Variants in HERC3 observed in about 807,000 individuals in gnomAD.
The protein encoded by HERC3 is probable E3 ubiquitin-protein ligase HERC3.
HERC3 carries 58 observed loss-of-function variants against 129.9 expected under a neutral mutation model. The ratio of observed to expected loss-of-function variants is 0.45; its 90% CI spans 0.36 to 0.56. The LOEUF (loss-of-function observed/expected upper bound fraction) is 0.56, where lower values mean the gene tolerates loss of function less well. HERC3 is among the 20% of genes least tolerant of loss of function. The probability of loss-of-function intolerance (pLI) is 0.00; values close to 1 mark genes in which losing one functional copy is unlikely to be tolerated. For synonymous variants in HERC3, 430 were observed against 451.0 expected (o/e 0.95, Z 0.59); for missense variants, 835 against 1,244.2 (o/e 0.67, Z 4.95).
chr4:88,657,371 T>C (rs966694630), intron 9 of HERC3: 3 of 152,236 alleles, frequency 2.0e-5, no homozygotes, highest in Non-Finnish European at 4.4e-5. Flanking sequence ...ATCTGAAATG[T>C]AGTGCAACTT....
intron 21 of HERC3, 139 bp downstream of exon 21, chr4:88,681,464 A>G (rs1435856140): frequency 2.8e-6 from 2 of 701,784 alleles, no homozygotes; most frequent in African/African-American, 1.8e-5. Flanking sequence ...TGTTTTGTCT[A>G]AGATGTAGCT....
chr4:88,622,618 C>T (rs368458363), intron 3 of HERC3, among the ~76,000 whole-genome samples: 5 of 152,190 alleles, frequency 3.3e-5, no homozygotes, highest in Admixed American at 3.3e-4. Context: ...TATGAGGGCC[C>T]GAGAGATCTT....
At chr4:88,684,343 C>A (rs1056729802) in intron 21 of HERC3, among the ~76,000 whole-genome samples, 6 of 152,074 alleles carry the variant, frequency 3.9e-5, no homozygotes, top group Non-Finnish European at 8.8e-5. Context: ...TTTCGACAAA[C>A]CTGACAAAAA....
At chr4:88,592,607 G>C (rs868159760) in intron 1 of HERC3, 33 bp downstream of exon 1, 1 of 152,326 alleles carries the variant, frequency 6.6e-6, no homozygotes, top group African/African-American at 2.4e-5. Context: ...TTCCAGGGAG[G>C]GGGGTACGGC....
intron 3 of HERC3, among the ~76,000 whole-genome samples, chr4:88,644,009 G>A (rs977653957): frequency 3.9e-5 from 6 of 152,126 alleles, no homozygotes; most frequent in African/African-American, 7.2e-5. Context: ...AGGATGGATG[G>A]CAAATAAGCA....
chr4:88,635,389 A>G (rs1255018683), intron 3 of HERC3, among the ~76,000 whole-genome samples: 1 of 152,038 alleles, frequency 6.6e-6, no homozygotes, highest in South Asian at 2.1e-4. Flanking sequence ...AGTCAAGCAG[A>G]AGAAAGAATA....
upstream of HERC3, among the ~76,000 whole-genome samples, chr4:88,592,086 CA>C (rs1721747366): frequency 6.6e-6 from 1 of 152,198 alleles, no homozygotes; most frequent in Non-Finnish European, 1.5e-5. Flanking sequence ...CCCCCGTGCC[CA>C]AGGCTTTCGG....
the HERC3 span, among the ~76,000 whole-genome samples, chr4:88,587,409 T>C: frequency 5.3e-5 from 8 of 152,228 alleles, no homozygotes. Context: ...GCACCATGCT[T>C]TGTAACATGA....
At chr4:88,648,218 C>G (rs896732898) in intron 3 of HERC3, among the ~76,000 whole-genome samples, 2 of 152,032 alleles carry the variant, frequency 1.3e-5, no homozygotes, top group Non-Finnish European at 2.9e-5. Flanking sequence ...TCTTTTTCAC[C>G]TTGGAGACAT....
intron 14 of HERC3, 113 bp from the exon 15 acceptor site, chr4:88,669,747 A>C: frequency 2.3e-6 from 2 of 853,170 alleles, no homozygotes; most frequent in Non-Finnish European, 3.6e-6. Context: ...GGGAAAATGT[A>C]TTTTAGACTA....
At chr4:88,661,492 T>C (rs1025961164) in intron 10 of HERC3, among the ~76,000 whole-genome samples, 5 of 152,248 alleles carry the variant, frequency 3.3e-5, no homozygotes, top group Non-Finnish European at 4.4e-5. Context: ...AAAAATCTCA[T>C]GAGCTGATGA....
At chr4:88,674,473 A>G (rs925806501) in intron 16 of HERC3, among the ~76,000 whole-genome samples, 19 of 152,332 alleles carry the variant, frequency 1.2e-4, no homozygotes, top group African/African-American at 4.1e-4. Flanking sequence ...CTTGCTTTAT[A>G]GACCAACACA....
At chr4:88,608,917 C>T (rs1723974117) in intron 3 of HERC3, among the ~76,000 whole-genome samples, 1 of 152,104 alleles carries the variant, frequency 6.6e-6, no homozygotes, top group South Asian at 2.1e-4. Flanking sequence ...CTTTCTAGTC[C>T]TCCCATGGAG....
Position 88,605,797 on chromosome 4 carries a change from T to C in HERC3, c.-27T>C, listed in dbSNP as rs375263813. Reference sequence around the variant, plus strand: ...AATTTTTTTAAACTCTCTCCTAGGCTACATGATTCCCTGAAAGATAAGAAC... The same window carrying C: ...AATTTTTTTAAACTCTCTCCTAGGCCACATGATTCCCTGAAAGATAAGAAC... On this transcript the variant is annotated splice_region_variant and 5_prime_UTR_variant, in exon 3 of 26. Transcript: ENST00000402738. 4 of 1,572,752 alleles carry C rather than the reference T, an allele frequency of 2.5e-6. No individual in the cohort carries two copies. The highest frequency in any genetic ancestry group is 2.6e-6 in the Non-Finnish European group (3 of 1,142,290).
At chr4:88,576,238 C>T in the HERC3 span, among the ~76,000 whole-genome samples, 1 of 151,896 alleles carries the variant, frequency 6.6e-6, no homozygotes, top group Non-Finnish European at 1.5e-5. Context: ...TCCTGGTTGG[C>T]CTTTATAATT....
chr4:88,689,558 ACTT>A (rs1484045760), intron 23 of HERC3, among the ~76,000 whole-genome samples: 8 of 143,374 alleles, frequency 5.6e-5, no homozygotes, highest in South Asian at 2.2e-4. Context: ...ATATTGACAG[ACTT>A]CTTCTTCCAT....
the HERC3 span, among the ~76,000 whole-genome samples, chr4:88,545,430 C>CATTTTTTTTTTTTTTTTTTTTTTT: frequency 9.1e-6 from 1 of 110,434 alleles, no homozygotes; most frequent in African/African-American, 3.7e-5. Context: ...TTTGAGAATT[C>CATTTTTTTTTTTTTTTTTTTTTTT]TTTTTTTTTT....
chr4:88,666,790 A>G (rs1326581156), intron 12 of HERC3, among the ~76,000 whole-genome samples: 1 of 152,222 alleles, frequency 6.6e-6, no homozygotes, highest in Non-Finnish European at 1.5e-5. Flanking sequence ...AATAGTGGCA[A>G]TGAAATTAGT....
intron 23 of HERC3, chr4:88,693,040 G>C (rs1192976500): frequency 2.0e-6 from 2 of 975,636 alleles, no homozygotes; most frequent in Admixed American, 6.2e-5. Context: ...AAACTTAGGT[G>C]AAGACAATGC....
Sources: allele counts gnomAD v4.1 joint callset (sites outside exome capture counted in the v4.1 genomes callset), GRCh38; gene constraint gnomAD v4.1.1; transcripts MANE v1.5; gene names NCBI Gene and HGNC (gene_info 2026-07-23, HGNC 2026-07-21).